The following DSCAML1 variants were observed in gnomAD, a reference collection of about 807,000 sequenced individuals.
The protein encoded by DSCAML1 is DS cell adhesion molecule like 1.
Under a neutral mutation model 200.5 loss-of-function variants are expected in DSCAML1, and 38 were observed. That is an observed-to-expected ratio of 0.19 (90% confidence interval 0.15 to 0.25). The LOEUF is 0.25. Among genes scored for constraint, DSCAML1 ranks in the 10% least tolerant of loss-of-function variants. DSCAML1 has a pLI of 1.00. For missense variants in DSCAML1, 2,223 were observed against 2,858.8 expected, an observed-to-expected ratio of 0.78 and a Z score of 5.07; for synonymous variants, 1,215 against 1,165.0, an observed-to-expected ratio of 1.04 and a Z score of -0.87.
At chr11:117,752,833 G>A (rs983167204) in intron 3 of DSCAML1, among the ~76,000 whole-genome samples, 9 of 152,218 alleles carry the variant, frequency 5.9e-5, no homozygotes, top group African/African-American at 7.2e-5. Flanking sequence ...GTGGTGCGGC[G>A]AGGACACCCA....
At chr11:117,731,632 G>A (rs2054221092) in intron 3 of DSCAML1, among the ~76,000 whole-genome samples, 1 of 152,130 alleles carries the variant, frequency 6.6e-6, no homozygotes, top group Non-Finnish European at 1.5e-5. Context: ...ATACTTCCTC[G>A]GGGTCACATA....
At chr11:117,492,920 C>G (rs1028915569) in intron 11 of DSCAML1, among the ~76,000 whole-genome samples, 1 of 152,206 alleles carries the variant, frequency 6.6e-6, no homozygotes, top group Admixed American at 6.5e-5. Flanking sequence ...TCCTGATTAG[C>G]CAAGCTCCAC....
intron 3 of DSCAML1, among the ~76,000 whole-genome samples, chr11:117,704,585 C>A (rs887344745): frequency 6.6e-6 from 1 of 152,040 alleles, no homozygotes; most frequent in Non-Finnish European, 1.5e-5. Flanking sequence ...GCAGGAGCTG[C>A]GGGGAGGAGG....
intron 11 of DSCAML1, among the ~76,000 whole-genome samples, chr11:117,499,916 A>G (rs2049364552): frequency 6.6e-6 from 1 of 152,166 alleles, no homozygotes; most frequent in African/African-American, 2.4e-5. Flanking sequence ...TCCCATCCAG[A>G]CCCTCGGACT....
intron 3 of DSCAML1, among the ~76,000 whole-genome samples, chr11:117,588,577 C>A (rs1449892178): frequency 6.6e-6 from 1 of 152,210 alleles, no homozygotes; most frequent in Admixed American, 6.5e-5. Context: ...TACAAGCGAG[C>A]CCAGCCTGAG....
At chr11:117,431,407 C>G in intron 31 of DSCAML1, 127 bp downstream of exon 31, 8 of 869,618 alleles carry the variant, frequency 9.2e-6, no homozygotes, top group Non-Finnish European at 1.4e-5. Flanking sequence ...ACCAGCTAGA[C>G]ATGAAACTGA....
intron 21 of DSCAML1, 60 bp downstream of exon 21, chr11:117,443,826 G>T: frequency 1.3e-6 from 2 of 1,520,934 alleles, no homozygotes; most frequent in Non-Finnish European, 1.8e-6. Flanking sequence ...GGAGAACCAG[G>T]ATTCTGTAAG....
intron 11 of DSCAML1, among the ~76,000 whole-genome samples, chr11:117,484,400 C>T (rs986209931): frequency 4.6e-5 from 7 of 152,318 alleles, no homozygotes; most frequent in Admixed American, 3.9e-4. Flanking sequence ...GACGACAGCC[C>T]TGGCCTCCAG....
intron 3 of DSCAML1, among the ~76,000 whole-genome samples, chr11:117,762,057 G>A (rs1001120589): frequency 2.0e-5 from 3 of 151,904 alleles, no homozygotes; most frequent in African/African-American, 7.3e-5. Context: ...CACTCCACGC[G>A]GCAGGATCTC....
At chr11:117,484,043 C>T (rs1027500415) in intron 11 of DSCAML1, among the ~76,000 whole-genome samples, 2 of 150,106 alleles carry the variant, frequency 1.3e-5, no homozygotes, top group African/African-American at 2.5e-5. Flanking sequence ...CCCTGCCCCC[C>T]GCCCCTGCCC....
At chr11:117,646,016 T>A (rs1222342439) in intron 3 of DSCAML1, among the ~76,000 whole-genome samples, 1 of 152,224 alleles carries the variant, frequency 6.6e-6, no homozygotes, top group Non-Finnish European at 1.5e-5. Flanking sequence ...AATGTGGTAT[T>A]AGCTGCGATA....
At chr11:117,603,879 G>A (rs779656755) in intron 3 of DSCAML1, among the ~76,000 whole-genome samples, 1 of 152,222 alleles carries the variant, frequency 6.6e-6, no homozygotes, top group Non-Finnish European at 1.5e-5. Flanking sequence ...TGAATTCATT[G>A]AGCAGCTACC....
chr11:117,623,136 T>A (rs1034030914), intron 3 of DSCAML1, among the ~76,000 whole-genome samples: 5 of 152,076 alleles, frequency 3.3e-5, no homozygotes. Context: ...TCAACTAGCA[T>A]CAACTGAAAT....
rs770156438 is a variant in DSCAML1 at position 117,516,460 on chromosome 11, G to C, written c.1783+7C>G. ...GGCAGGGGCCCTGGCTGGTGAGGGA[G>C]GCCTACCTTTGACGGCTACGTGAAC... On this transcript the variant is annotated splice_region_variant and intron_variant, in intron 8 of 32. Transcript: ENST00000651296. The surrounding 1 kb of genome is among the most constrained non-coding windows in gnomAD (Gnocchi z 5.7). 9.9e-6 allele frequency: 16 copies of C among 1,609,008 alleles called. No homozygotes were observed. Among genetic ancestry groups the C allele is most frequent in the Non-Finnish European group, 1.3e-5 (15 of 1,176,662 alleles).
At chr11:117,696,330 G>C (rs1591411015) in intron 3 of DSCAML1, among the ~76,000 whole-genome samples, 1 of 152,226 alleles carries the variant, frequency 6.6e-6, no homozygotes, top group Non-Finnish European at 1.5e-5. Flanking sequence ...ATGTGAGCTG[G>C]TTTGGGGTAT....
intron 20 of DSCAML1, among the ~76,000 whole-genome samples, chr11:117,446,869 C>G (rs1416584041): frequency 6.6e-6 from 1 of 152,106 alleles, no homozygotes; most frequent in Admixed American, 6.6e-5. Context: ...AAAATATGTG[C>G]ATAAAGATTT....
At chr11:117,684,434 CTA>C (rs2053367052) in intron 3 of DSCAML1, among the ~76,000 whole-genome samples, 2 of 50,290 alleles carry the variant, frequency 4.0e-5, no homozygotes, top group African/African-American at 6.3e-5. Context: ...ATTTCATTAA[CTA>C]AAAAAAAAAA....
chr11:117,439,387 G>A lies in DSCAML1; in HGVS notation c.4023C>T (p.Leu1341=). Residue 1341 remains leucine, a synonymous_variant, in exon 23 of 33, where the codon CTC becomes CTT. Transcript: ENST00000651296. ...AIPVSMDGHR[L]IHTNGTLLLR... ...GCAGCAGTGTGCCATTGGTGTGGAT[G>A]AGCCGGTGCCCATCCATGGACACTG... 6.2e-7 allele frequency: 1 copy of A among 1,613,804 alleles called. No individual in the cohort carries two copies. Among genetic ancestry groups the A allele is most frequent in the Non-Finnish European group, 8.5e-7 (1 of 1,179,994 alleles).
At chr11:117,604,293 A>G (rs1404248382) in intron 3 of DSCAML1, among the ~76,000 whole-genome samples, 1 of 150,070 alleles carries the variant, frequency 6.7e-6, no homozygotes, top group Admixed American at 6.7e-5. Flanking sequence ...GAAGTGGCCC[A>G]ACACGGCTGC....
Sources: gnomAD v4.1 joint callset for allele counts (sites outside exome capture counted in the v4.1 genomes callset) on GRCh38, gnomAD v4.1.1 for gene constraint, Gnocchi (gnomAD v3.1) non-coding constraint, MANE v1.5 for transcripts, NCBI Gene and HGNC (gene_info 2026-07-23, HGNC 2026-07-21) for gene names.